Variants in RPTOR observed in about 807,000 individuals in gnomAD.
RPTOR encodes the protein regulatory-associated protein of mTOR.
RPTOR carries 21 observed loss-of-function variants against 169.9 expected under a neutral mutation model. That is an observed-to-expected ratio of 0.12 (90% CI 0.09 to 0.18). The LOEUF is 0.18. Ranked by LOEUF, RPTOR falls within the 10% of genes least tolerant of loss-of-function variation. The pLI is 1.00. For missense variants in RPTOR, 1,133 were observed against 1,855.9 expected (o/e 0.61, Z 7.16); for synonymous variants, 732 against 753.2 (o/e 0.97, Z 0.46).
intron 5 of RPTOR, among the ~76,000 whole-genome samples, chr17:80,752,977 T>TGA (rs1186913761): frequency 8.2e-6 from 1 of 121,640 alleles, no homozygotes; most frequent in Non-Finnish European, 2.0e-5. Flanking sequence ...TACTTTTACG[T>TGA]GACAAGTCTC....
intron 23 of RPTOR, among the ~76,000 whole-genome samples, chr17:80,924,637 G>A (rs943450988): frequency 3.3e-5 from 5 of 151,180 alleles, no homozygotes; most frequent in Non-Finnish European, 5.9e-5. Context: ...CAATGCTACC[G>A]GCACGTGCAG....
chr17:80,729,976 A>G (rs1037788963), intron 4 of RPTOR, among the ~76,000 whole-genome samples: 2 of 152,170 alleles, frequency 1.3e-5, no homozygotes, highest in African/African-American at 4.8e-5. Context: ...AAGTTTAAGG[A>G]GTTGACCAGC....
intron 9 of RPTOR, among the ~76,000 whole-genome samples, chr17:80,833,003 T>C (rs2067522986): frequency 6.6e-6 from 1 of 152,218 alleles, no homozygotes; most frequent in Non-Finnish European, 1.5e-5. Context: ...TTCTGTTTAA[T>C]GTTTGATGCA....
At chr17:80,807,071 T>A (rs2067225906) in intron 7 of RPTOR, among the ~76,000 whole-genome samples, 1 of 152,240 alleles carries the variant, frequency 6.6e-6, no homozygotes, top group Admixed American at 6.5e-5. Flanking sequence ...GAGTCCACAT[T>A]TTTAAAGTAT....
chr17:80,735,631 C>A (rs2066427846), intron 5 of RPTOR, among the ~76,000 whole-genome samples: 1 of 152,176 alleles, frequency 6.6e-6, no homozygotes, highest in African/African-American at 2.4e-5. Flanking sequence ...GGAGTCAAAT[C>A]TAGGCGAGTT....
chr17:80,865,789 C>T (rs1354014810), intron 13 of RPTOR, among the ~76,000 whole-genome samples: 1 of 151,960 alleles, frequency 6.6e-6, no homozygotes, highest in African/African-American at 2.4e-5. Flanking sequence ...ACTTGAGCAG[C>T]ACTCTCCAGC....
rs2065253015 is a variant in RPTOR at position 80,609,292 on chromosome 17, A to G, written c.163-16399A>G. On this transcript the variant is annotated intron_variant, in intron 1 of 33. Transcript: ENST00000306801. The surrounding 1 kb of genome is among the most constrained non-coding windows in gnomAD (Gnocchi z 4.8). ...CATTTGGAAATGACACGCTCTGTCC[A>G]GGAACTGCAGTAAACGTTCTAGCTG... 6.6e-6 allele frequency among the ~76,000 whole-genome samples: 1 copy of G among 152,254 alleles called. No individual in the cohort carries two copies.
chr17:80,653,782 T>C (rs994095473), intron 3 of RPTOR, among the ~76,000 whole-genome samples: 1 of 152,222 alleles, frequency 6.6e-6, no homozygotes, highest in African/African-American at 2.4e-5. Context: ...CTTTCTGATG[T>C]AGTCATCTTT....
In RPTOR at chr17:80,965,957, GC is replaced by G. The variant is rs1266221478; in HGVS notation, c.*1629del. Reference sequence around the variant, plus strand: ...CGGCCTCACTCAGCTCACAGGGCGTGCCAGGCGGCAACACCAGAATCTTCCA... The same window carrying G: ...CGGCCTCACTCAGCTCACAGGGCGTGCAGGCGGCAACACCAGAATCTTCCA... On this transcript the variant is annotated 3_prime_UTR_variant, in exon 34 of 34. Transcript: ENST00000306801. The G allele has an allele frequency of 4.3e-6, 1 of 233,340 alleles. No homozygotes were observed. The highest frequency in any genetic ancestry group is 2.2e-5 in the African/African-American group (1 of 45,356). The allele number at this position is 233,340 out of a possible 1,614,324, so 14.5% of individuals were successfully genotyped here. A position where few individuals can be genotyped will look rare whatever the true frequency, so the allele number is the denominator to read the frequency against.
chr17:80,876,759 T>A (rs1242474077), intron 13 of RPTOR, among the ~76,000 whole-genome samples: 1 of 97,874 alleles, frequency 1.0e-5, no homozygotes, highest in African/African-American at 4.3e-5. Context: ...CCACGCAGGG[T>A]GTGTGTGTCG....
At chr17:80,711,200 G>A (rs1429893198) in intron 4 of RPTOR, among the ~76,000 whole-genome samples, 1 of 152,110 alleles carries the variant, frequency 6.6e-6, no homozygotes, top group Non-Finnish European at 1.5e-5. Flanking sequence ...TCTTGGTGCT[G>A]GGTATATGTG....
intron 3 of RPTOR, among the ~76,000 whole-genome samples, chr17:80,667,080 T>A (rs987891483): frequency 1.3e-5 from 2 of 152,148 alleles, no homozygotes; most frequent in African/African-American, 2.4e-5. Flanking sequence ...AGGAAGGCGT[T>A]CCCGTCTCCA....
chr17:80,885,262 T>C, intron 17 of RPTOR, 114 bp downstream of exon 17: 1 of 1,204,296 alleles, frequency 8.3e-7, no homozygotes, highest in Non-Finnish European at 1.1e-6. Context: ...TTCCACTGCG[T>C]GTCATTGCGA....
At chr17:80,642,791 A>G (rs190107399) in intron 2 of RPTOR, among the ~76,000 whole-genome samples, 2 of 152,316 alleles carry the variant, frequency 1.3e-5, no homozygotes, top group Admixed American at 6.5e-5. Context: ...CTGTTTTCTA[A>G]TGATAGATAT....
At chr17:80,695,000 A>G (rs1422485224) in intron 3 of RPTOR, among the ~76,000 whole-genome samples, 2 of 152,102 alleles carry the variant, frequency 1.3e-5, no homozygotes, top group Non-Finnish European at 2.9e-5. Flanking sequence ...GGGTGTCATC[A>G]GGGTAGTGAG....
At chr17:80,879,109 GTCTCATCATCGA>G (rs1423481631) in intron 13 of RPTOR, among the ~76,000 whole-genome samples, 1 of 152,132 alleles carries the variant, frequency 6.6e-6, no homozygotes, top group African/African-American at 2.4e-5. Context: ...CCCTGCTTGT[GTCTCATCATCGA>G]TGCCTCAGCT....
chr17:80,772,673 A>T (rs1276611454), intron 6 of RPTOR, among the ~76,000 whole-genome samples: 1 of 151,290 alleles, frequency 6.6e-6, no homozygotes, highest in Non-Finnish European at 1.5e-5. Flanking sequence ...TGTTTCATTC[A>T]CTAAAGCACC....
At chr17:80,774,298 T>C in intron 6 of RPTOR, 1 of 985,092 alleles carries the variant, frequency 1.0e-6, no homozygotes, top group Non-Finnish European at 1.2e-6. Flanking sequence ...CACGGGAGAG[T>C]GCTTTGGAAG....
At chr17:80,696,181 T>C (rs1053791863) in intron 3 of RPTOR, among the ~76,000 whole-genome samples, 3 of 152,190 alleles carry the variant, frequency 2.0e-5, no homozygotes, top group Non-Finnish European at 4.4e-5. Flanking sequence ...AAGTGGCAGC[T>C]TTGTTTTGTT....
Sources: allele counts gnomAD v4.1 joint callset (sites outside exome capture counted in the v4.1 genomes callset), GRCh38; gene constraint gnomAD v4.1.1; non-coding constraint Gnocchi (gnomAD v3.1); transcripts MANE v1.5; gene names NCBI Gene and HGNC (gene_info 2026-07-23, HGNC 2026-07-21).